Variants in CACNB4 observed in about 807,000 individuals in gnomAD.
The protein encoded by CACNB4 is voltage-dependent L-type calcium channel subunit beta-4.
A neutral mutation model predicts 71.2 loss-of-function variants in CACNB4; 32 were observed. That is an observed-to-expected ratio of 0.45 (90% confidence interval 0.34 to 0.60). The LOEUF (loss-of-function observed/expected upper bound fraction) is 0.60. Ranked by LOEUF, CACNB4 falls within the 20% of genes least tolerant of loss-of-function variation. CACNB4 has a pLI of 0.01. For synonymous variants in CACNB4, 231 were observed against 236.9 expected, an observed-to-expected ratio of 0.97 and a Z score of 0.23; for missense variants, 464 against 647.9, an observed-to-expected ratio of 0.72 and a Z score of 3.08.
At chr2:152,034,393 C>G (rs998873643) in intron 2 of CACNB4, among the ~76,000 whole-genome samples, 3 of 152,086 alleles carry the variant, frequency 2.0e-5, no homozygotes, top group Non-Finnish European at 4.4e-5. Flanking sequence ...ACACAGGGCT[C>G]TGGTGAAGGG....
intron 2 of CACNB4, among the ~76,000 whole-genome samples, chr2:152,074,307 C>G (rs921992164): frequency 6.6e-6 from 1 of 151,732 alleles, no homozygotes; most frequent in Non-Finnish European, 1.5e-5. Flanking sequence ...CACCGCTTTA[C>G]CACCATCGCC....
At chr2:152,008,069 CA>C (rs1419777923) in intron 2 of CACNB4, among the ~76,000 whole-genome samples, 3 of 152,016 alleles carry the variant, frequency 2.0e-5, no homozygotes, top group Non-Finnish European at 4.4e-5. Flanking sequence ...CATGCCCTGC[CA>C]ATTCTACATA....
At chr2:151,872,016 T>C (rs1327283641) in intron 6 of CACNB4, 2 of 265,620 alleles carry the variant, frequency 7.5e-6, no homozygotes, top group Non-Finnish European at 1.4e-5. Flanking sequence ...CGGGCTGTAC[T>C]AATACATCCT....
intron 2 of CACNB4, among the ~76,000 whole-genome samples, chr2:152,062,385 C>T (rs1050270150): frequency 2.0e-5 from 3 of 152,208 alleles, no homozygotes; most frequent in African/African-American, 7.2e-5. Flanking sequence ...ACTGACCACT[C>T]TTCTAAATCA....
intron 2 of CACNB4, among the ~76,000 whole-genome samples, chr2:152,080,224 C>T (rs973896337): frequency 3.3e-5 from 5 of 151,790 alleles, no homozygotes; most frequent in South Asian, 4.1e-4. Context: ...TGGGTTCAAG[C>T]GATTCTCCTG....
At chr2:151,841,431 A>G (rs1448906545) in intron 13 of CACNB4, among the ~76,000 whole-genome samples, 1 of 151,362 alleles carries the variant, frequency 6.6e-6, no homozygotes, top group Non-Finnish European at 1.5e-5. Flanking sequence ...TTTTTTTTTA[A>G]TTATCCATGT....
chr2:152,026,852 T>C (rs1480474000), intron 2 of CACNB4, among the ~76,000 whole-genome samples: 6 of 152,188 alleles, frequency 3.9e-5, no homozygotes, highest in Admixed American at 2.0e-4. Flanking sequence ...GTTAAGTCCA[T>C]TGGGGAATCT....
intron 2 of CACNB4, chr2:151,884,180 A>T (rs2099848685): frequency 6.6e-6 from 1 of 150,616 alleles, no homozygotes; most frequent in Non-Finnish European, 1.5e-5. Context: ...GGCGCCTGTA[A>T]TCCCAGCTAC....
intron 2 of CACNB4, chr2:151,968,351 C>A (rs1025568540): frequency 5.3e-5 from 8 of 152,140 alleles, no homozygotes; most frequent in African/African-American, 1.9e-4. Flanking sequence ...GAACACAGAG[C>A]CTATATCTGT....
chr2:151,990,902 CA>C (rs1681670872), intron 2 of CACNB4, among the ~76,000 whole-genome samples: 1 of 152,136 alleles, frequency 6.6e-6, no homozygotes, highest in Admixed American at 6.5e-5. Context: ...TTTGAAAGGT[CA>C]TTTTAAAATG....
intron 2 of CACNB4, among the ~76,000 whole-genome samples, chr2:152,044,369 C>T (rs1447610107): frequency 6.6e-6 from 1 of 152,046 alleles, no homozygotes; most frequent in Non-Finnish European, 1.5e-5. Context: ...TACAGGTGCG[C>T]ATCACCATGC....
intron 2 of CACNB4, among the ~76,000 whole-genome samples, chr2:151,949,508 T>C (rs2099866384): frequency 1.3e-5 from 2 of 151,916 alleles, no homozygotes; most frequent in Admixed American, 6.6e-5. Flanking sequence ...AGAAGACACA[T>C]ATGCAAAGGC....
chr2:151,954,172 C>T (rs1354312802), intron 2 of CACNB4, among the ~76,000 whole-genome samples: 1 of 152,230 alleles, frequency 6.6e-6, no homozygotes, highest in Admixed American at 6.5e-5. Flanking sequence ...ATAATGTACA[C>T]TCTGCCTCTC....
At chr2:151,856,031 C>G (rs556584294) in intron 10 of CACNB4, among the ~76,000 whole-genome samples, 1 of 151,154 alleles carries the variant, frequency 6.6e-6, no homozygotes, top group Non-Finnish European at 1.5e-5. Flanking sequence ...TATATTAAAA[C>G]GCTGCAATGC....
chr2:151,902,191 A>G (rs2099853629), intron 2 of CACNB4, among the ~76,000 whole-genome samples: 1 of 152,054 alleles, frequency 6.6e-6, no homozygotes, highest in Admixed American at 6.6e-5. Flanking sequence ...GCCACCATGT[A>G]TGACTAACTT....
intron 2 of CACNB4, among the ~76,000 whole-genome samples, chr2:151,948,394 T>C (rs980831915): frequency 7.9e-5 from 12 of 152,152 alleles, no homozygotes; most frequent in Non-Finnish European, 2.9e-5. Flanking sequence ...GGTGCAGTGG[T>C]TCATGCCTGT....
rs1419732453 is a variant in CACNB4, at chr2:152,098,949, C to T, written c.63G>A (p.Gln21=). 6.7e-7 allele frequency: 1 copy of T among 1,497,756 alleles called. No homozygotes were observed. The highest frequency in any genetic ancestry group is 1.3e-5 in the South Asian group (1 of 77,446). The allele number at this position is 1,497,756 out of a possible 1,614,324, so 92.8% of individuals were successfully genotyped here. A position where few individuals can be genotyped will look rare whatever the true frequency, so the allele number is the denominator to read the frequency against. The change falls in exon 1 of 14, where the codon CAG becomes CAA. Residue 21 remains glutamine (Q), a splice_region_variant and synonymous_variant. Coordinates refer to ENST00000539935, the MANE Select transcript of CACNB4 (RefSeq NM_000726.5). This position sits in a 1 kb window ranked among gnomAD's most constrained non-coding sequence, Gnocchi z 5.3. ...TADGPHSPTS[Q]VARGTTTRRS... is the part of the protein sequence containing the mutation. ...GAGAAGGGGGAGGAGGGGGCGGTAC[C>T]TGCGAGGTGGGGGAGTGCGGCCCGT...
intron 2 of CACNB4, among the ~76,000 whole-genome samples, chr2:152,004,720 C>T (rs75306888): frequency 6.6e-4 from 100 of 152,288 alleles, no homozygotes; most frequent in African/African-American, 2.2e-3. Flanking sequence ...ATAGGGCTCC[C>T]GCAGCACCAC....
intron 2 of CACNB4, among the ~76,000 whole-genome samples, chr2:151,916,492 AAGAG>A (rs2099857575): frequency 6.6e-6 from 1 of 151,982 alleles, no homozygotes; most frequent in Admixed American, 6.5e-5. Flanking sequence ...ATGAAAAAAA[AAGAG>A]AATGTCATAG....
Sources: gnomAD v4.1 joint callset for allele counts (sites outside exome capture counted in the v4.1 genomes callset) on GRCh38, gnomAD v4.1.1 for gene constraint, Gnocchi (gnomAD v3.1) non-coding constraint, MANE v1.5 for transcripts, NCBI Gene and HGNC (gene_info 2026-07-23, HGNC 2026-07-21) for gene names.